ZFHX4: variants seen among roughly 807,000 people sequenced by gnomAD.
ZFHX4 encodes zinc finger homeobox 4.
ZFHX4 carries 56 observed loss-of-function variants against 267.6 expected under a neutral mutation model. That is an observed-to-expected ratio of 0.21 (90% CI 0.17 to 0.26). The LOEUF (loss-of-function observed/expected upper bound fraction) is 0.26, where lower values mean the gene tolerates loss of function less well. ZFHX4 is among the 10% of genes least tolerant of loss of function. The probability of loss-of-function intolerance (pLI) is 1.00; values close to 1 mark genes in which losing one functional copy is unlikely to be tolerated. For synonymous variants in ZFHX4, 1,778 were observed against 1,665.6 expected, an observed-to-expected ratio of 1.07 and a Z score of -1.64; for missense variants, 4,332 against 4,420.0, an observed-to-expected ratio of 0.98 and a Z score of 0.56.
At chr8:76,846,158 C>T (rs1046031946) in intron 6 of ZFHX4, among the ~76,000 whole-genome samples, 5 of 151,928 alleles carry the variant, frequency 3.3e-5, no homozygotes, top group African/African-American at 1.2e-4. Flanking sequence ...TAATATGAAA[C>T]CTAAGATAGT....
intron 4 of ZFHX4, among the ~76,000 whole-genome samples, chr8:76,800,143 A>C (rs1490739884): frequency 6.6e-6 from 1 of 152,016 alleles, no homozygotes; most frequent in Non-Finnish European, 1.5e-5. Context: ...GTACAAAGTG[A>C]AGGAGTCGCA....
intron 3 of ZFHX4, among the ~76,000 whole-genome samples, chr8:76,751,048 T>C (rs183187929): frequency 1.7e-4 from 26 of 152,252 alleles, no homozygotes; most frequent in African/African-American, 6.0e-4. Context: ...TATCACCCAG[T>C]GTTTTATAGG....
At position 76,856,047 on chromosome 8, in the gene ZFHX4, G is replaced by A; in HGVS notation, c.9126G>A (p.Gln3042=). Residue 3042 remains glutamine (Q), a synonymous_variant, in exon 10 of 11, where the codon CAG becomes CAA. Transcript: ENST00000651372. ...ISKVRETVGS[Q]LDREKDYLAP... ...AAGTGAGGGAGACCGTTGGCAGTCA[G>A]CTCGATCGGGAGAAAGATTACTTGG... The A allele has an allele frequency of 6.2e-7, 1 of 1,613,980 alleles. No homozygotes were observed. Among genetic ancestry groups the A allele is most frequent in the Non-Finnish European group, 8.5e-7 (1 of 1,179,886 alleles).
intron 3 of ZFHX4, among the ~76,000 whole-genome samples, chr8:76,774,290 A>T (rs1810349080): frequency 6.6e-6 from 1 of 152,170 alleles, no homozygotes; most frequent in African/African-American, 2.4e-5. Context: ...TCATATGCTC[A>T]TCAGGAAGAA....
intron 1 of ZFHX4, among the ~76,000 whole-genome samples, chr8:76,701,793 T>A (rs892306289): frequency 1.3e-5 from 2 of 152,114 alleles, no homozygotes; most frequent in South Asian, 4.1e-4. Flanking sequence ...TCTTTCTAAT[T>A]AAAGTGAATT....
intron 3 of ZFHX4, among the ~76,000 whole-genome samples, chr8:76,724,852 A>T (rs375594579): frequency 6.6e-5 from 10 of 152,042 alleles, no homozygotes; most frequent in Non-Finnish European, 1.3e-4. Context: ...TTACATGCTC[A>T]TTTGTAACTC....
intron 4 of ZFHX4, among the ~76,000 whole-genome samples, chr8:76,830,963 A>G (rs535848045): frequency 2.6e-5 from 4 of 152,218 alleles, no homozygotes; most frequent in Non-Finnish European, 2.9e-5. Flanking sequence ...AACTAGATAC[A>G]TTGAAAATTT....
chr8:76,729,345 T>A (rs1485769654), intron 3 of ZFHX4, among the ~76,000 whole-genome samples: 1 of 152,160 alleles, frequency 6.6e-6, no homozygotes. Context: ...GCTGAAACGA[T>A]GGTCCTGCTC....
rs1812927752 is a variant in ZFHX4 at position 76,863,370 on chromosome 8, A to G, written c.9656A>G (p.Glu3219Gly). The stretch of plus-strand genomic sequence containing the variant: ...AAACCCGAAAAACACCCCAAAAAAG[A>G]GGAAAAAATCTCATCTGCTCTTTCA... Reference protein sequence around the residue: ...ATKPEKHPKKEEKISSALSVL... With the variant: ...ATKPEKHPKKGEKISSALSVL... The change falls in exon 11 of 11, where the codon GAG becomes GGG. Residue 3219 changes from glutamate to glycine, a missense_variant. Coordinates refer to ENST00000651372, the MANE Select transcript of ZFHX4 (RefSeq NM_024721.5). The G allele has an allele frequency of 1.2e-6, 2 of 1,613,942 alleles. No homozygotes were observed. Among genetic ancestry groups the G allele is most frequent in the Non-Finnish European group, 8.5e-7 (1 of 1,179,856 alleles).
At chr8:76,712,344 T>G (rs1051849274) in intron 3 of ZFHX4, among the ~76,000 whole-genome samples, 1 of 152,142 alleles carries the variant, frequency 6.6e-6, no homozygotes, top group Non-Finnish European at 1.5e-5. Context: ...GAACAGTATG[T>G]GTAAAGGAAA....
In ZFHX4 at chr8:76,863,228, C is replaced by A. The variant is rs1273442808; in HGVS notation, c.9514C>A (p.Pro3172Thr). The change falls in exon 11 of 11, where the codon CCT becomes ACT. Residue 3172 changes from proline to threonine, a missense_variant. Physicochemically the swap from Pro to Thr is conservative, Grantham distance 38. Coordinates refer to ENST00000651372, the MANE Select transcript of ZFHX4 (RefSeq NM_024721.5). ...ACCTCCACCACCTCCTCCTCCTCCT[C>A]CTCCTTCATCCTCTCTGTCAGGACA... is the stretch of plus-strand genomic sequence containing the variant. ...PPPPPPPPPP[P>T]PSSSLSGQQT... 6.3e-7 allele frequency: 1 copy of A among 1,587,288 alleles called. No individual in the cohort carries two copies. Among genetic ancestry groups the A allele is most frequent in the Admixed American group, 1.8e-5 (1 of 54,580 alleles).
chr8:76,775,350 G>C (rs977460079), intron 3 of ZFHX4, among the ~76,000 whole-genome samples: 13 of 152,288 alleles, frequency 8.5e-5, no homozygotes, highest in Middle Eastern at 3.4e-3. Flanking sequence ...GGAATGAGAG[G>C]ATAGAAAATG....
chr8:76,732,987 C>T (rs201049277), intron 3 of ZFHX4, among the ~76,000 whole-genome samples: 1 of 140,614 alleles, frequency 7.1e-6, no homozygotes, highest in Admixed American at 7.3e-5. Flanking sequence ...AGAGCAGAGA[C>T]TATTTAGACA....
chr8:76,788,464 C>A (rs1810750197), intron 4 of ZFHX4, among the ~76,000 whole-genome samples: 1 of 152,110 alleles, frequency 6.6e-6, no homozygotes, highest in Non-Finnish European at 1.5e-5. Flanking sequence ...TCTAATTTTG[C>A]CTCTTGGCTC....
At chr8:76,753,481 G>T (rs1585910479) in intron 3 of ZFHX4, among the ~76,000 whole-genome samples, 2 of 151,904 alleles carry the variant, frequency 1.3e-5, no homozygotes, top group African/African-American at 2.4e-5. Context: ...AAGCTAAACA[G>T]CACTAATCAA....
At chr8:76,698,634 C>T (rs1169281274) in intron 1 of ZFHX4, among the ~76,000 whole-genome samples, 1 of 151,948 alleles carries the variant, frequency 6.6e-6, no homozygotes, top group Non-Finnish European at 1.5e-5. Context: ...GTCCCATTTA[C>T]AGAGAAGAAA....
chr8:76,696,442 G>T (rs1032239602), intron 1 of ZFHX4, among the ~76,000 whole-genome samples: 1 of 152,014 alleles, frequency 6.6e-6, no homozygotes, highest in Non-Finnish European at 1.5e-5. Context: ...ATTGCTGGCT[G>T]CTTGATTTTA....
intron 3 of ZFHX4, among the ~76,000 whole-genome samples, chr8:76,727,682 T>C (rs754107413): frequency 3.9e-5 from 6 of 152,220 alleles, no homozygotes; most frequent in Non-Finnish European, 7.3e-5. Flanking sequence ...TTTTTAAAAA[T>C]CTTGCTTCTT....
rs371571217 is a variant in ZFHX4 at position 76,853,010 on chromosome 8, C to T, written c.6089C>T (p.Thr2030Met). The T allele has an allele frequency of 2.1e-4, 320 of 1,523,530 alleles. No homozygotes were observed. Among genetic ancestry groups the T allele is most frequent in the Middle Eastern group, 5.0e-4 (3 of 5,954 alleles). The allele number at this position is 1,523,530 out of a possible 1,614,324, so 94.4% of individuals were successfully genotyped here. ...SSMGPVKIPN[T>M]VSTPLQAPPP... is the part of the protein sequence containing the mutation. ...ATGGGTCCTGTAAAGATCCCCAACA[C>T]GGTTTCTACTCCTCTGCAAGCTCCA... Residue 2030 changes from threonine (T) to methionine (M), a missense_variant, in exon 10 of 11, where the codon ACG becomes ATG. By Grantham distance (81) the Thr-to-Met change is moderately conservative. Around this residue, in one of 7 missense-constraint regions of ZFHX4, gnomAD observed 1,371 missense variants for 1,423.1 expected, o/e 0.96. Transcript: ENST00000651372.
Sources: allele counts gnomAD v4.1 joint callset (sites outside exome capture counted in the v4.1 genomes callset), GRCh38; gene constraint gnomAD v4.1.1; regional missense constraint gnomAD v4.1.1; transcripts MANE v1.5; gene names NCBI Gene and HGNC (gene_info 2026-07-23, HGNC 2026-07-21).